Variants in COL4A2 observed in about 807,000 individuals in gnomAD.
COL4A2 encodes the protein collagen alpha-2(IV) chain.
Under a neutral mutation model 200.2 loss-of-function variants are expected in COL4A2, and 99 were observed. The observed-to-expected ratio is 0.49, with a 90% CI of 0.42 to 0.58. The LOEUF is 0.58. Ranked by LOEUF, COL4A2 falls within the 20% of genes least tolerant of loss-of-function variation. The pLI is 0.00. For synonymous variants in COL4A2, 897 were observed against 900.6 expected (o/e 1.00, Z 0.07); for missense variants, 1,950 against 2,314.1 (o/e 0.84, Z 3.23).
Position 110,512,409 on chromosome 13 carries a change from G to C in COL4A2, c.*218G>C. 2 of 759,318 alleles carry C rather than the reference G, an allele frequency of 2.6e-6. No individual in the cohort carries two copies. Among genetic ancestry groups the C allele is most frequent in the Non-Finnish European group, 4.1e-6 (2 of 487,684 alleles). 47.0% of individuals were successfully genotyped at this position (759,318 alleles called of 1,614,324 possible). ...GCAAGCCCTGCCCACAGAAAGCCAG[G>C]AGCAGCCCTGGCCCCCATCAGCCCT... is the stretch of plus-strand genomic sequence containing the variant. On this transcript the variant is annotated 3_prime_UTR_variant, in exon 48 of 48. Transcript: ENST00000360467.
intron 4 of COL4A2, among the ~76,000 whole-genome samples, chr13:110,409,127 GCACATGCACACACGCA>G: frequency 6.8e-6 from 1 of 147,622 alleles, no homozygotes. Flanking sequence ...ATATACACAT[GCACATGCACACACGCA>G]CACATGTACA....
At chr13:110,465,838 C>T (rs529324329) in intron 25 of COL4A2, among the ~76,000 whole-genome samples, 165 bp from the exon 26 acceptor site, 9 of 152,320 alleles carry the variant, frequency 5.9e-5, no homozygotes, top group African/African-American at 7.2e-5. Flanking sequence ...AGGCCTTGCC[C>T]GGAAGTTCAG....
intron 40 of COL4A2, among the ~76,000 whole-genome samples, chr13:110,501,035 G>A (rs1439506506): frequency 1.3e-5 from 2 of 152,212 alleles, no homozygotes; most frequent in Non-Finnish European, 2.9e-5. Context: ...GAAGGCAGGA[G>A]CGTCACCTTG....
chr13:110,459,734 AATT>A (rs1881946335), intron 22 of COL4A2: 1 of 152,202 alleles, frequency 6.6e-6, no homozygotes, highest in South Asian at 2.1e-4. Context: ...GTGCTATATG[AATT>A]ATATCTCAAA....
chr13:110,441,155 T>G (rs1350264864), intron 16 of COL4A2, among the ~76,000 whole-genome samples: 3 of 152,192 alleles, frequency 2.0e-5, no homozygotes, highest in Admixed American at 2.0e-4. Context: ...TTTATCAAAA[T>G]CACTAGCCTC....
chr13:110,478,167 A>G lies in COL4A2; in HGVS notation c.2587+3A>G, dbSNP rs373227788. On this transcript the variant is annotated splice_donor_region_variant and intron_variant, in intron 30 of 47. Coordinates refer to ENST00000360467, the MANE Select transcript of COL4A2 (RefSeq NM_001846.4). Reference sequence around the variant, plus strand: ...GCCAGGAATCCCAGGCCGTGAAGGTAAGACCCCAGCCCTCCCATAAACGAG... The same window carrying G: ...GCCAGGAATCCCAGGCCGTGAAGGTGAGACCCCAGCCCTCCCATAAACGAG... 2 of 1,585,764 alleles carry G rather than the reference A, an allele frequency of 1.3e-6. No individual in the cohort carries two copies.
intron 4 of COL4A2, among the ~76,000 whole-genome samples, chr13:110,358,584 A>G (rs1182710310): frequency 6.6e-6 from 1 of 152,218 alleles, no homozygotes; most frequent in African/African-American, 2.4e-5. Context: ...AACCAGCAAC[A>G]CAGCAGGTTT....
intron 4 of COL4A2, among the ~76,000 whole-genome samples, chr13:110,397,024 A>T (rs1027897297): frequency 2.6e-5 from 4 of 152,196 alleles, no homozygotes; most frequent in Non-Finnish European, 4.4e-5. Context: ...CATGACTAAT[A>T]GGAGTTTATT....
intron 4 of COL4A2, 94 bp from the exon 5 acceptor site, chr13:110,424,640 C>CAAACA (rs767000579): frequency 8.5e-4 from 594 of 699,456 alleles, no homozygotes; most frequent in African/African-American, 3.9e-3. Context: ...TCTTTAAAAA[C>CAAACA]AAAAAAAAAA....
chr13:110,318,689 C>G (rs971392128), intron 3 of COL4A2, among the ~76,000 whole-genome samples: 1 of 152,160 alleles, frequency 6.6e-6, no homozygotes, highest in African/African-American at 2.4e-5. Flanking sequence ...TAGTTCTTAC[C>G]TTATGCACGT....
intron 16 of COL4A2, among the ~76,000 whole-genome samples, chr13:110,442,509 T>A (rs1881166996): frequency 6.6e-6 from 1 of 152,030 alleles, no homozygotes; most frequent in East Asian, 1.9e-4. Context: ...CAAAAGCCCC[T>A]CCAAGGAGCA....
chr13:110,455,733 C>T (rs1395560358), intron 20 of COL4A2, among the ~76,000 whole-genome samples: 2 of 152,140 alleles, frequency 1.3e-5, no homozygotes, highest in African/African-American at 4.8e-5. Context: ...GTATCCATGT[C>T]CTCATTCTCA....
At chr13:110,347,094 G>C (rs556508718) in intron 3 of COL4A2, among the ~76,000 whole-genome samples, 2 of 152,364 alleles carry the variant, frequency 1.3e-5, no homozygotes, top group South Asian at 4.1e-4. Context: ...CTGTGAAGAA[G>C]TGGCCAGGGC....
chr13:110,394,191 A>C (rs1222890694), intron 4 of COL4A2, among the ~76,000 whole-genome samples: 2 of 152,218 alleles, frequency 1.3e-5, no homozygotes, highest in Non-Finnish European at 2.9e-5. Context: ...TATAATCGTA[A>C]AACAAGAGAA....
intron 16 of COL4A2, among the ~76,000 whole-genome samples, chr13:110,442,142 G>A (rs12856221): frequency 0.28 from 41,097 of 148,182 alleles, 6,001 homozygotes; most frequent in Middle Eastern, 0.46. Flanking sequence ...CTGCTCCCTG[G>A]AACTCCAAAG....
chr13:110,308,395 C>G (rs574886872), intron 3 of COL4A2, among the ~76,000 whole-genome samples: 5 of 152,220 alleles, frequency 3.3e-5, no homozygotes, highest in African/African-American at 1.2e-4. Context: ...CCTGAGGCAC[C>G]GTTTTCGTTG....
chr13:110,371,425 G>C (rs1266100382), intron 4 of COL4A2, among the ~76,000 whole-genome samples: 1 of 152,076 alleles, frequency 6.6e-6, no homozygotes, highest in Admixed American at 6.5e-5. Flanking sequence ...TTCTGTATGC[G>C]TGTATTTCCA....
intron 4 of COL4A2, among the ~76,000 whole-genome samples, chr13:110,417,168 G>A (rs1490135698): frequency 1.3e-5 from 2 of 151,996 alleles, no homozygotes; most frequent in Non-Finnish European, 2.9e-5. Context: ...TTTAGTAGAG[G>A]CAAGGTTTCA....
chr13:110,430,037 T>TTAA (rs1880617367), intron 8 of COL4A2, 81 bp downstream of exon 8: 1 of 1,397,274 alleles, frequency 7.2e-7, no homozygotes, highest in Non-Finnish European at 9.6e-7. Context: ...CCAAGTGAAC[T>TTAA]TTGCATGTAA....
Sources: allele counts gnomAD v4.1 joint callset (sites outside exome capture counted in the v4.1 genomes callset), GRCh38; gene constraint gnomAD v4.1.1; transcripts MANE v1.5; gene names NCBI Gene and HGNC (gene_info 2026-07-23, HGNC 2026-07-21).